The following MYCBP2 variants were observed in gnomAD, a reference collection of about 807,000 sequenced individuals.
MYCBP2 encodes the protein MYC binding protein 2.
A neutral mutation model predicts 525.3 loss-of-function variants in MYCBP2; 120 were observed. The ratio of observed to expected loss-of-function variants is 0.23; its 90% CI spans 0.20 to 0.27. The LOEUF (loss-of-function observed/expected upper bound fraction) is 0.27, where lower values mean the gene tolerates loss of function less well. Ranked by LOEUF, MYCBP2 falls within the 10% of genes least tolerant of loss-of-function variation. The pLI is 1.00. For missense variants in MYCBP2, 4,149 were observed against 5,657.1 expected (o/e 0.73, Z 8.55); for synonymous variants, 1,894 against 1,955.8 (o/e 0.97, Z 0.83).
chr13:77,212,270 C>T (rs1233585845), intron 21 of MYCBP2, 110 bp from the exon 22 acceptor site: 1 of 872,568 alleles, frequency 1.1e-6, no homozygotes, highest in African/African-American at 1.7e-5. Context: ...TTATTTTTCA[C>T]CAATTGTTAG....
At chr13:77,319,464 T>A (rs566871569) in intron 1 of MYCBP2, among the ~76,000 whole-genome samples, 2 of 152,306 alleles carry the variant, frequency 1.3e-5, no homozygotes, top group African/African-American at 4.8e-5. Flanking sequence ...CCCTTAAAAT[T>A]AAGTTTTGGG....
rs775949538 is a variant in MYCBP2, at chr13:77,267,928, A to G, written c.1270T>C (p.Leu424=). 1.9e-6 allele frequency: 3 copies of G among 1,610,762 alleles called. No individual in the cohort carries two copies. The highest frequency in any genetic ancestry group is 3.4e-5 in the Admixed American group (2 of 59,098). Residue 424 remains leucine (L), a synonymous_variant, in exon 8 of 83, where the codon TTA becomes CTA. Coordinates refer to ENST00000544440, the MANE Select transcript of MYCBP2 (RefSeq NM_015057.5). The part of the protein sequence containing the change: ...SWLGYAQGYL[L]YRDVNNHSMT... ...CTGTGGTTATTCACATCTCTATATA[A>G]TAAATAACCCTGATAACAGCAAAAA...
At chr13:77,175,978 T>TA (rs1268789766) in intron 36 of MYCBP2, among the ~76,000 whole-genome samples, 107 of 142,590 alleles carry the variant, frequency 7.5e-4, no homozygotes, top group South Asian at 2.4e-3. Context: ...TAATAATAAT[T>TA]AAAAAAAAAT....
intron 13 of MYCBP2, among the ~76,000 whole-genome samples, chr13:77,259,142 A>G (rs2072781868): frequency 6.6e-6 from 1 of 152,054 alleles, no homozygotes; most frequent in Non-Finnish European, 1.5e-5. Context: ...GCACGTGCCT[A>G]TAATCTCAGC....
rs1479103510 is a variant in MYCBP2 at position 77,058,614 on chromosome 13, A to T, written c.13141-208T>A. Among the ~76,000 whole-genome samples, 2 of 151,670 alleles carry T rather than the reference A, an allele frequency of 1.3e-5. No homozygotes were observed. Among genetic ancestry groups the T allele is most frequent in the East Asian group, 1.9e-4 (1 of 5,188 alleles). On this transcript the variant is annotated intron_variant, in intron 77 of 82. Transcript: ENST00000544440. The surrounding 1 kb of genome is among the most constrained non-coding windows in gnomAD (Gnocchi z 4.1). ...GTTTTTTTTTTTTGATGCGATTTTT[A>T]AAAAATGCCACTCTCTATAAAGGGA...
At chr13:77,102,178 T>G (rs1594552417) in intron 55 of MYCBP2, among the ~76,000 whole-genome samples, 1 of 151,822 alleles carries the variant, frequency 6.6e-6, no homozygotes, top group African/African-American at 2.4e-5. Context: ...TACTATATCA[T>G]AATACTATAT....
In MYCBP2 at chr13:77,326,451, G is replaced by A. The variant is rs115092351; in HGVS notation, c.302+23C>T. The A allele has an allele frequency of 2.2e-3, 3,354 of 1,528,102 alleles. 70 individuals carry two copies. The African/African-American group carries it at 0.043, about 19-fold the overall frequency. The allele number at this position is 1,528,102 out of a possible 1,614,324, so 94.7% of individuals were successfully genotyped here. ...CAAGGAAGGGCGGCATGGGGCGCAA[G>A]GAAGGGCACCCTGGGGACGCACCTG... On this transcript the variant is annotated intron_variant, in intron 1 of 82. Coordinates refer to ENST00000544440, the MANE Select transcript of MYCBP2 (RefSeq NM_015057.5). The surrounding 1 kb of genome is among the most constrained non-coding windows in gnomAD (Gnocchi z 4.2).
intron 6 of MYCBP2, 42 bp from the exon 7 acceptor site, chr13:77,270,105 T>C: frequency 1.3e-6 from 2 of 1,536,646 alleles, no homozygotes; most frequent in Admixed American, 4.0e-5. Context: ...GGTTTCATAA[T>C]TAATAATCAA....
At chr13:77,217,771 G>T in intron 21 of MYCBP2, 69 bp downstream of exon 21, 1 of 892,362 alleles carries the variant, frequency 1.1e-6, no homozygotes, top group South Asian at 1.9e-5. Flanking sequence ...ACAGAAAAAA[G>T]AGCTAATATA....
Position 77,165,384 on chromosome 13 carries a change from C to T in MYCBP2, c.6348G>A (p.Glu2116=), listed in dbSNP as rs757086548. 1.9e-6 allele frequency: 3 copies of T among 1,584,820 alleles called. No individual in the cohort carries two copies. Among genetic ancestry groups the T allele is most frequent in the Non-Finnish European group, 2.6e-6 (3 of 1,171,282 alleles). ...ATGCAGTCTCCAATGAAAAAAGGGC[C>T]TCATTTCCTAATAAAAATGCCAGAA... ...PTMVLVLPGN[E]ALFSLETASD... Residue 2116 remains glutamate, a synonymous_variant, in exon 42 of 83, where the codon GAG becomes GAA. Transcript: ENST00000544440.
chr13:77,185,829 A>G, intron 31 of MYCBP2, 42 bp downstream of exon 31: 5 of 1,365,948 alleles, frequency 3.7e-6, no homozygotes, highest in Non-Finnish European at 4.9e-6. Flanking sequence ...CAATGTCTCT[A>G]ATATTTTCTC....
chr13:77,070,458 T>C (rs1225510370), intron 69 of MYCBP2, among the ~76,000 whole-genome samples, 173 bp downstream of exon 69: 1 of 152,092 alleles, frequency 6.6e-6, no homozygotes, highest in Non-Finnish European at 1.5e-5. Flanking sequence ...TTAGCCTTAG[T>C]GTATTTTATG....
intron 26 of MYCBP2, among the ~76,000 whole-genome samples, chr13:77,198,280 CT>C (rs1447623556): frequency 6.6e-6 from 1 of 152,160 alleles, no homozygotes; most frequent in Non-Finnish European, 1.5e-5. Flanking sequence ...TAAATTTTTA[CT>C]TTATTCATTC....
intron 20 of MYCBP2, among the ~76,000 whole-genome samples, chr13:77,221,315 C>A (rs1037289452): frequency 6.6e-6 from 1 of 152,130 alleles, no homozygotes; most frequent in East Asian, 1.9e-4. Context: ...ACTTGGGAAT[C>A]GAAGAATGGT....
chr13:77,152,316 A>G (rs1444604499), intron 46 of MYCBP2, among the ~76,000 whole-genome samples: 1 of 152,246 alleles, frequency 6.6e-6, no homozygotes, highest in African/African-American at 2.4e-5. Flanking sequence ...GTTTACAGGT[A>G]TATGGTTAAA....
chr13:77,135,859 C>T (rs1408523024), intron 52 of MYCBP2, among the ~76,000 whole-genome samples: 5 of 148,916 alleles, frequency 3.4e-5, no homozygotes, highest in East Asian at 3.9e-4. Flanking sequence ...TTTTTTGAGA[C>T]GGAGTCTCAC....
At chr13:77,234,459 T>C (rs954965459) in intron 17 of MYCBP2, among the ~76,000 whole-genome samples, 17 of 151,972 alleles carry the variant, frequency 1.1e-4, no homozygotes, top group African/African-American at 3.9e-4. Flanking sequence ...GTACCCTTCA[T>C]TAAATGTACA....
intron 1 of MYCBP2, among the ~76,000 whole-genome samples, chr13:77,300,945 G>T (rs1042586045): frequency 2.0e-5 from 3 of 152,184 alleles, no homozygotes; most frequent in African/African-American, 7.2e-5. Flanking sequence ...AGTAAGGACT[G>T]AGCTTGGCTT....
intron 15 of MYCBP2, among the ~76,000 whole-genome samples, 187 bp from the exon 16 acceptor site, chr13:77,244,138 C>T (rs940511304): frequency 6.6e-6 from 1 of 152,120 alleles, no homozygotes; most frequent in Non-Finnish European, 1.5e-5. Flanking sequence ...TAATTAAAAA[C>T]AAGACTGATT....
Sources: gnomAD v4.1 joint callset for allele counts (sites outside exome capture counted in the v4.1 genomes callset) on GRCh38, gnomAD v4.1.1 for gene constraint, Gnocchi (gnomAD v3.1) non-coding constraint, MANE v1.5 for transcripts, NCBI Gene and HGNC (gene_info 2026-07-23, HGNC 2026-07-21) for gene names.